The following GRIA1 variants were observed in gnomAD, a reference collection of about 807,000 sequenced individuals.
The protein encoded by GRIA1 is glutamate receptor 1.
In GRIA1, 31 loss-of-function variants were observed where a neutral mutation model predicts 99.2. That is an observed-to-expected ratio of 0.31 (90% confidence interval 0.23 to 0.42). The LOEUF (loss-of-function observed/expected upper bound fraction) is 0.42. Among genes scored for constraint, GRIA1 ranks in the 10% least tolerant of loss-of-function variants. GRIA1 has a pLI of 1.00. For missense variants in GRIA1, 782 were observed against 1,157.5 expected, an observed-to-expected ratio of 0.68 and a Z score of 4.71; for synonymous variants, 438 against 432.4, an observed-to-expected ratio of 1.01 and a Z score of -0.16.
intron 13 of GRIA1, among the ~76,000 whole-genome samples, chr5:153,771,094 T>A (rs149167430): frequency 1.3e-5 from 2 of 152,314 alleles, no homozygotes; most frequent in East Asian, 3.9e-4. Context: ...TAGATTTAAT[T>A]CTGACTGTCT....
intron 11 of GRIA1, among the ~76,000 whole-genome samples, chr5:153,737,084 G>A (rs1347183578): frequency 6.6e-6 from 1 of 152,042 alleles, no homozygotes; most frequent in Non-Finnish European, 1.5e-5. Context: ...TGTAAGCCTC[G>A]AAGTTCAGGT....
chr5:153,579,239 T>G (rs1465052250), intron 2 of GRIA1, among the ~76,000 whole-genome samples: 2 of 152,206 alleles, frequency 1.3e-5, no homozygotes, highest in African/African-American at 4.8e-5. Context: ...ATAAAATGCT[T>G]TGAAAACCCT....
At chr5:153,659,003 A>C (rs1755164021) in intron 5 of GRIA1, among the ~76,000 whole-genome samples, 1 of 151,760 alleles carries the variant, frequency 6.6e-6, no homozygotes, top group Admixed American at 6.6e-5. Flanking sequence ...CAAACAAAAA[A>C]AAAACCTTGT....
intron 2 of GRIA1, among the ~76,000 whole-genome samples, chr5:153,499,422 T>C (rs990723243): frequency 4.5e-4 from 68 of 151,864 alleles, no homozygotes; most frequent in African/African-American, 1.6e-3. Flanking sequence ...GACACCATCC[T>C]GGCTAATACA....
intron 7 of GRIA1, among the ~76,000 whole-genome samples, chr5:153,679,787 C>T (rs1756845885): frequency 3.9e-5 from 6 of 152,202 alleles, no homozygotes; most frequent in Admixed American, 3.9e-4. Context: ...GGGAGAGAAC[C>T]TGTGGTTTAG....
intron 13 of GRIA1, 114 bp downstream of exon 13, chr5:153,770,529 C>G (rs1763808439): frequency 1.0e-6 from 1 of 1,000,110 alleles, no homozygotes; most frequent in Non-Finnish European, 1.5e-6. Flanking sequence ...GTTGAGGGGG[C>G]TCTTCTTCAA....
chr5:153,758,544 C>T (rs879849616), intron 11 of GRIA1, among the ~76,000 whole-genome samples: 2 of 151,912 alleles, frequency 1.3e-5, no homozygotes, highest in Admixed American at 6.6e-5. Flanking sequence ...CAACCAGCAT[C>T]AGAGCAGTTA....
chr5:153,702,856 C>T (rs1422221411), intron 10 of GRIA1, among the ~76,000 whole-genome samples: 1 of 152,140 alleles, frequency 6.6e-6, no homozygotes, highest in Admixed American at 6.5e-5. Context: ...TTATCTTGAC[C>T]CTCACAAAAC....
At chr5:153,543,221 C>A (rs998198173) in intron 2 of GRIA1, among the ~76,000 whole-genome samples, 4 of 151,950 alleles carry the variant, frequency 2.6e-5, no homozygotes, top group African/African-American at 9.7e-5. Flanking sequence ...GGAATGGTGA[C>A]AATGTTGTAA....
intron 11 of GRIA1, among the ~76,000 whole-genome samples, chr5:153,719,088 G>T (rs1759865716): frequency 6.6e-6 from 1 of 152,126 alleles, no homozygotes; most frequent in African/African-American, 2.4e-5. Context: ...TCAGCATTAG[G>T]TTCATTTTTC....
intron 2 of GRIA1, among the ~76,000 whole-genome samples, chr5:153,638,111 T>C (rs1428617084): frequency 6.6e-6 from 1 of 152,218 alleles, no homozygotes; most frequent in Non-Finnish European, 1.5e-5. Flanking sequence ...TGACTTGCAT[T>C]CATTCATTTA....
At chr5:153,599,627 T>G (rs1764722986) in intron 2 of GRIA1, among the ~76,000 whole-genome samples, 1 of 152,196 alleles carries the variant, frequency 6.6e-6, no homozygotes, top group South Asian at 2.1e-4. Flanking sequence ...TGTTGTTAAT[T>G]TTATTTTTAA....
At position 153,686,286 on chromosome 5, in the gene GRIA1, A is replaced by G. The variant is rs147992757; in HGVS notation, c.1091A>G (p.Tyr364Cys). ...AATGAGAAAGGACGCCGGACCAACT[A>G]CACGCTCCACGTGATTGAAATGAAA... ...QFNEKGRRTN[Y>C]TLHVIEMKHD... Residue 364 changes from tyrosine to cysteine, a missense_variant, in exon 8 of 16, where the codon TAC becomes TGC. Physicochemically the swap from Tyr to Cys is radical, Grantham distance 194 (BLOSUM62 -2). Around this residue, in one of 5 missense-constraint regions of GRIA1, gnomAD observed 461 missense variants for 521.7 expected, o/e 0.88. Transcript: ENST00000285900. The G allele has an allele frequency of 6.2e-6, 10 of 1,613,860 alleles. No individual in the cohort carries two copies. Among genetic ancestry groups the G allele is most frequent in the Non-Finnish European group, 7.6e-6 (9 of 1,179,858 alleles).
chr5:153,643,355 CAA>C (rs1407392756), intron 2 of GRIA1, among the ~76,000 whole-genome samples: 1 of 152,064 alleles, frequency 6.6e-6, no homozygotes, highest in East Asian at 1.9e-4. Context: ...ATGATAAAAC[CAA>C]AAAGAGAATC....
intron 2 of GRIA1, among the ~76,000 whole-genome samples, chr5:153,514,549 A>G (rs1756425414): frequency 6.6e-6 from 1 of 152,200 alleles, no homozygotes; most frequent in Non-Finnish European, 1.5e-5. Flanking sequence ...ATTGGTCTAC[A>G]TATCTGCTTT....
chr5:153,742,234 A>G (rs1012582231), intron 11 of GRIA1, among the ~76,000 whole-genome samples: 1 of 152,146 alleles, frequency 6.6e-6, no homozygotes, highest in African/African-American at 2.4e-5. Flanking sequence ...ACATATGGGG[A>G]AGCAAGATAA....
chr5:153,673,896 T>C (rs1256330249), intron 5 of GRIA1, among the ~76,000 whole-genome samples: 3 of 152,112 alleles, frequency 2.0e-5, no homozygotes, highest in Non-Finnish European at 4.4e-5. Flanking sequence ...GTGGTGAAAA[T>C]TTACCCTGTT....
chr5:153,492,086 C>A, intron 1 of GRIA1: 1 of 1,358,588 alleles, frequency 7.4e-7, no homozygotes. Flanking sequence ...TCTCTCTCCC[C>A]TGGTAGGGAG....
At chr5:153,602,798 GT>G (rs78554257) in intron 2 of GRIA1, among the ~76,000 whole-genome samples, 31,881 of 152,010 alleles carry the variant, frequency 0.21, 4,487 homozygotes, top group East Asian at 0.76. Context: ...AGGCCAAAGT[GT>G]TTTCATTTTC....
Sources: gnomAD v4.1 joint callset for allele counts (sites outside exome capture counted in the v4.1 genomes callset) on GRCh38, gnomAD v4.1.1 for gene constraint, gnomAD v4.1.1 regional missense constraint, MANE v1.5 for transcripts, NCBI Gene and HGNC (gene_info 2026-07-23, HGNC 2026-07-21) for gene names.